Variants in ATP2B3 observed in about 807,000 individuals in gnomAD.
ATP2B3 encodes plasma membrane calcium-transporting ATPase 3.
Under a neutral mutation model 70.8 loss-of-function variants are expected in ATP2B3, and 12 were observed. The observed-to-expected ratio is 0.17, with a 90% confidence interval of 0.11 to 0.27. The LOEUF (loss-of-function observed/expected upper bound fraction) is 0.27. Ranked by LOEUF, ATP2B3 falls within the 10% of genes least tolerant of loss-of-function variation. The pLI is 1.00. For synonymous variants in ATP2B3, 460 were observed against 497.8 expected (o/e 0.92, Z 1.01); for missense variants, 858 against 1,118.5 (o/e 0.77, Z 3.32).
At chrX:153,573,806 C>T (rs782561163) in intron 21 of ATP2B3, among the ~76,000 whole-genome samples, 1 of 112,479 alleles carries the variant, frequency 8.9e-6, no homozygotes, top group Non-Finnish European at 1.9e-5. Flanking sequence ...TGACTCGCCG[C>T]GCCCAGGTCA....
At chrX:153,574,797 G>A (rs868926018) in intron 21 of ATP2B3, 31 of 329,217 alleles carry the variant, frequency 9.4e-5, no homozygotes, top group South Asian at 3.9e-4. Context: ...TGCACATGGC[G>A]GGCACCTCCA....
chrX:153,540,609 G>A (rs1438085763), intron 3 of ATP2B3, among the ~76,000 whole-genome samples: 9 of 112,518 alleles, frequency 8.0e-5, no homozygotes, highest in African/African-American at 2.3e-4. Flanking sequence ...CCAATCCCTC[G>A]GGCCCTGCCC....
intron 13 of ATP2B3, among the ~76,000 whole-genome samples, chrX:153,555,482 C>T (rs370627434): frequency 3.6e-5 from 4 of 111,633 alleles, no homozygotes; most frequent in Non-Finnish European, 7.5e-5. Flanking sequence ...TCCCCCTGCC[C>T]GTCTACCTCA....
Position 153,564,981 on chromosome X carries a change from G to A in ATP2B3, c.3220G>A (p.Gly1074Arg), listed in dbSNP as rs1557017618. 2.5e-6 allele frequency: 3 copies of A among 1,200,067 alleles called. No individual in the cohort carries two copies. The highest frequency in any genetic ancestry group is 1.8e-5 in the South Asian group (1 of 55,110). The change falls in exon 21 of 22, where the codon GGG becomes AGG. Residue 1074 changes from glycine (G) to arginine (R), a missense_variant. Gly to Arg is a moderately radical substitution (Grantham distance 125). Around this residue, in one of 5 missense-constraint regions of ATP2B3, gnomAD observed 265 missense variants for 305.3 expected, o/e 0.87. Coordinates refer to ENST00000263519, the MANE Select transcript of ATP2B3 (RefSeq NM_001001344.3). ...CCTGAAGGAAGCCGGGCACGGGCCC[G>A]GGAAGGACGAGATGACCGACGAGGA... ...KCLKEAGHGPGKDEMTDEELA... is the reference protein window; with the variant it reads ...KCLKEAGHGPRKDEMTDEELA...
At chrX:153,550,669 TTTTTG>T (rs782067926) in intron 12 of ATP2B3, among the ~76,000 whole-genome samples, 2 of 111,965 alleles carry the variant, frequency 1.8e-5, no homozygotes, top group Non-Finnish European at 3.8e-5. Flanking sequence ...TTCCTTTCTT[TTTTTG>T]TTTTGTTTTG....
In ATP2B3 at chrX:153,561,690, G is replaced by T. The variant is rs143599216; in HGVS notation, c.3052-445G>T. Among the ~76,000 whole-genome samples, 482 of 112,405 alleles carry T rather than the reference G, an allele frequency of 4.3e-3. 5 individuals are homozygous for T. The highest frequency in any genetic ancestry group is 0.015 in the African/African-American group (461 of 31,004). On this transcript the variant is annotated intron_variant, in intron 19 of 21. Transcript: ENST00000263519. The stretch of plus-strand genomic sequence containing the variant: ...TGGTCCTGGGTAATGAGTGCAAGGG[G>T]ATAGTGGCCCGGAATGTGACAGTCC...
intron 21 of ATP2B3, among the ~76,000 whole-genome samples, chrX:153,567,414 G>T (rs375777135): frequency 1.8e-5 from 2 of 113,265 alleles, no homozygotes; most frequent in African/African-American, 6.4e-5. Flanking sequence ...TACCCCTGTT[G>T]TGCTACAGAG....
chrX:153,554,918 G>A (rs782138657), intron 13 of ATP2B3, among the ~76,000 whole-genome samples: 2 of 112,460 alleles, frequency 1.8e-5, no homozygotes, highest in Non-Finnish European at 3.8e-5. Flanking sequence ...CTGGGCCTGA[G>A]GAGGGAGGAG....
Position 153,561,995 on chromosome X carries a change from G to A in ATP2B3, c.3052-140G>A, listed in dbSNP as rs147485992. The A allele has an allele frequency of 3.9e-3, 2,170 of 562,670 alleles. 29 individuals carry two copies. The highest frequency in any genetic ancestry group is 0.033 in the African/African-American group (1,508 of 45,218). The allele number at this position is 562,670 out of a possible 1,213,427, so 46.4% of individuals were successfully genotyped here. The stretch of plus-strand genomic sequence containing the variant: ...TGCACTGCTCTGTCATCACGCCCCC[G>A]GCCTTGTGGTCCTCTCGCAAGGAGC... On this transcript the variant is annotated intron_variant, in intron 19 of 21. Transcript: ENST00000263519.
At chrX:153,569,847 C>T in intron 21 of ATP2B3, 1 of 1,017,025 alleles carries the variant, frequency 9.8e-7, no homozygotes, top group South Asian at 2.1e-5. Context: ...TGCAGTCTTG[C>T]ATTCCGCTCA....
At chrX:153,520,209 C>T (rs1252737435) in intron 2 of ATP2B3, among the ~76,000 whole-genome samples, 2 of 112,671 alleles carry the variant, frequency 1.8e-5, no homozygotes, top group Non-Finnish European at 3.8e-5. Context: ...GATGCAGCCA[C>T]GGAGTGCCGG....
In ATP2B3 at chrX:153,518,448, C is replaced by T. The variant is rs868970684; in HGVS notation, c.-230C>T. ...TCCCTCCAGGAACGGCTGTCTCCCC[C>T]TCCTCGCCTGTGTGACCTTGGCCAG... On this transcript the variant is annotated 5_prime_UTR_variant, in exon 2 of 22. Coordinates refer to ENST00000263519, the MANE Select transcript of ATP2B3 (RefSeq NM_001001344.3). Among the ~76,000 whole-genome samples the T allele has an allele frequency of 8.8e-6, 1 of 113,250 alleles. No individual in the cohort carries two copies. Among genetic ancestry groups the T allele is most frequent in the Non-Finnish European group, 1.9e-5 (1 of 53,344 alleles).
rs929765606 is a variant in ATP2B3 at position 153,581,336 on chromosome X, A to C, written c.*1038A>C. 8.9e-6 allele frequency: 1 copy of C among 111,970 alleles called. No individual in the cohort carries two copies. Among genetic ancestry groups the C allele is most frequent in the African/African-American group, 3.2e-5 (1 of 30,787 alleles). The allele number at this position is 111,970 out of a possible 1,213,427, so 9.2% of individuals were successfully genotyped here. ...TTTAATCTAAAAGGAAAAAACCAAA[A>C]TATTGATGAGAAGGAGTCCTCCAGT... is the stretch of plus-strand genomic sequence containing the variant. On this transcript the variant is annotated 3_prime_UTR_variant, in exon 22 of 22. Coordinates refer to ENST00000263519, the MANE Select transcript of ATP2B3 (RefSeq NM_001001344.3).
intron 21 of ATP2B3, among the ~76,000 whole-genome samples, chrX:153,567,354 A>C (rs971532874): frequency 8.8e-6 from 1 of 113,219 alleles, no homozygotes; most frequent in South Asian, 3.6e-4. Context: ...CTTCTACGAG[A>C]CCATGCCTAT....
At chrX:153,549,838 C>T (rs2090429855) in intron 11 of ATP2B3, 99 bp downstream of exon 11, 3 of 1,077,846 alleles carry the variant, frequency 2.8e-6, no homozygotes, top group East Asian at 3.2e-5. Flanking sequence ...GCTCATTAGG[C>T]CCCCCCTTGA....
chrX:153,576,165 A>G (rs2090854836), intron 21 of ATP2B3, among the ~76,000 whole-genome samples: 1 of 111,842 alleles, frequency 8.9e-6, no homozygotes, highest in African/African-American at 3.3e-5. Flanking sequence ...GTTTAGAGCC[A>G]GATGGGGGAC....
At chrX:153,542,599 C>T (rs2090303447) in intron 6 of ATP2B3, 151 bp downstream of exon 6, 4 of 826,734 alleles carry the variant, frequency 4.8e-6, no homozygotes, top group Non-Finnish European at 6.6e-6. Flanking sequence ...AAGACTCCGC[C>T]CGTCTTGAGG....
At chrX:153,557,508 C>A (rs1362076352) in intron 16 of ATP2B3, among the ~76,000 whole-genome samples, 1 of 112,336 alleles carries the variant, frequency 8.9e-6, no homozygotes, top group Non-Finnish European at 1.9e-5. Context: ...AGCCCCTCTC[C>A]CTGCCCTACC....
chrX:153,552,501 C>T (rs2090471986), intron 12 of ATP2B3, among the ~76,000 whole-genome samples: 1 of 112,197 alleles, frequency 8.9e-6, no homozygotes, highest in Admixed American at 9.4e-5. Context: ...CTCCTGGAGT[C>T]ATGAGCGCTC....
Sources: allele counts gnomAD v4.1 joint callset (sites outside exome capture counted in the v4.1 genomes callset), GRCh38; gene constraint gnomAD v4.1.1; regional missense constraint gnomAD v4.1.1; transcripts MANE v1.5; gene names NCBI Gene and HGNC (gene_info 2026-07-23, HGNC 2026-07-21).